PDZRN4: variants seen among roughly 807,000 people sequenced by gnomAD.
PDZRN4 encodes PDZ domain containing ring finger 4.
PDZRN4 carries 70 observed loss-of-function variants against 99.0 expected under a neutral mutation model. The observed-to-expected ratio is 0.71, with a 90% CI of 0.58 to 0.86. The LOEUF is 0.86. PDZRN4 is among the 40% of genes least tolerant of loss of function. The pLI, the probability that PDZRN4 is intolerant of heterozygous loss-of-function variation, is 0.00. For synonymous variants in PDZRN4, 551 were observed against 501.6 expected (o/e 1.10, Z -1.32); for missense variants, 1,474 against 1,331.2 (o/e 1.11, Z -1.67).
At chr12:41,308,396 T>A (rs563796969) in intron 3 of PDZRN4, among the ~76,000 whole-genome samples, 1 of 152,188 alleles carries the variant, frequency 6.6e-6, no homozygotes, top group Admixed American at 6.6e-5. Flanking sequence ...GATTTGAAGA[T>A]GTATAATTCT....
chr12:41,230,088 C>T (rs1037881074), intron 3 of PDZRN4, among the ~76,000 whole-genome samples: 2 of 151,734 alleles, frequency 1.3e-5, no homozygotes, highest in African/African-American at 4.8e-5. Flanking sequence ...AATCACAAAC[C>T]GGATAACATT....
intron 3 of PDZRN4, among the ~76,000 whole-genome samples, chr12:41,490,409 C>T (rs1330948497): frequency 2.0e-5 from 3 of 152,042 alleles, no homozygotes; most frequent in African/African-American, 7.2e-5. Context: ...TGCAAGCATG[C>T]TTTCTCAGCG....
chr12:41,235,276 T>C (rs1053316728), intron 3 of PDZRN4, among the ~76,000 whole-genome samples: 1 of 152,096 alleles, frequency 6.6e-6, no homozygotes, highest in Non-Finnish European at 1.5e-5. Flanking sequence ...GATGTATTAT[T>C]GTGCCATTGT....
At chr12:41,313,156 T>G (rs112246279) in intron 3 of PDZRN4, among the ~76,000 whole-genome samples, 3,546 of 152,262 alleles carry the variant, frequency 0.023, 118 homozygotes, top group African/African-American at 0.074. Context: ...AAATGTCTCT[T>G]AAATCACCCA....
At chr12:41,412,347 C>T (rs185503618) in intron 3 of PDZRN4, 32 of 152,214 alleles carry the variant, frequency 2.1e-4, no homozygotes, top group Non-Finnish European at 4.6e-4. Context: ...AGGGCATGAG[C>T]GAGAAGTGAT....
intron 3 of PDZRN4, among the ~76,000 whole-genome samples, chr12:41,207,829 T>C (rs1950861929): frequency 6.6e-6 from 1 of 151,784 alleles, no homozygotes; most frequent in African/African-American, 2.4e-5. Flanking sequence ...GGCTGGTTAA[T>C]ATGAAGGAAT....
chr12:41,232,642 A>G (rs564865745), intron 3 of PDZRN4, among the ~76,000 whole-genome samples: 14,170 of 40,414 alleles, frequency 0.35, 884 homozygotes, highest in Middle Eastern at 0.46. Context: ...CTCTGATGGT[A>G]GATTTTTGCT....
chr12:41,242,893 C>G (rs1951109879), intron 3 of PDZRN4, among the ~76,000 whole-genome samples: 1 of 152,222 alleles, frequency 6.6e-6, no homozygotes, highest in African/African-American at 2.4e-5. Flanking sequence ...AGCATAGCCA[C>G]TGCCCAGTGG....
At chr12:41,548,327 CATTTG>C (rs1938993024) in intron 5 of PDZRN4, among the ~76,000 whole-genome samples, 1 of 152,074 alleles carries the variant, frequency 6.6e-6, no homozygotes, top group African/African-American at 2.4e-5. Context: ...TAATATTTCT[CATTTG>C]ATTTATTTTT....
intron 3 of PDZRN4, among the ~76,000 whole-genome samples, chr12:41,463,697 C>T (rs1388023417): frequency 6.6e-6 from 1 of 152,044 alleles, no homozygotes; most frequent in Admixed American, 6.6e-5. Context: ...AGAAAGGTGC[C>T]CTGTGATACA....
intron 3 of PDZRN4, among the ~76,000 whole-genome samples, chr12:41,253,044 CA>C (rs1951181294): frequency 6.6e-6 from 1 of 152,062 alleles, no homozygotes; most frequent in East Asian, 1.9e-4. Context: ...TGGGAAAGAG[CA>C]ACACTTGGAA....
chr12:41,527,300 T>A (rs1938584813), intron 5 of PDZRN4, among the ~76,000 whole-genome samples: 1 of 152,188 alleles, frequency 6.6e-6, no homozygotes, highest in Non-Finnish European at 1.5e-5. Flanking sequence ...AAGACATGAC[T>A]GGACCATGGG....
intron 3 of PDZRN4, among the ~76,000 whole-genome samples, chr12:41,226,520 T>A (rs1950996108): frequency 6.6e-6 from 1 of 152,058 alleles, no homozygotes; most frequent in African/African-American, 2.4e-5. Context: ...GAACAAAGCT[T>A]TGATTAGATT....
chr12:41,571,410 CA>C (rs1319748999), intron 9 of PDZRN4, among the ~76,000 whole-genome samples: 73 of 136,370 alleles, frequency 5.4e-4, no homozygotes, highest in Non-Finnish European at 1.0e-3. Flanking sequence ...ACACACACTA[CA>C]TAAACATACA....
At chr12:41,545,354 T>A (rs1565611228) in intron 5 of PDZRN4, among the ~76,000 whole-genome samples, 1 of 152,190 alleles carries the variant, frequency 6.6e-6, no homozygotes, top group African/African-American at 2.4e-5. Context: ...ATGGTCAATG[T>A]TTCTCTGTTT....
At chr12:41,190,478 T>C (rs1198997048) in intron 1 of PDZRN4, among the ~76,000 whole-genome samples, 1 of 152,160 alleles carries the variant, frequency 6.6e-6, no homozygotes, top group Non-Finnish European at 1.5e-5. Context: ...GCTAGAATAA[T>C]ATTACAGAAA....
chr12:41,202,212 T>G (rs1950821374), intron 3 of PDZRN4, among the ~76,000 whole-genome samples: 1 of 152,110 alleles, frequency 6.6e-6, no homozygotes, highest in South Asian at 2.1e-4. Context: ...TGAAGTCCTC[T>G]TGGGGAGAGC....
chr12:41,478,952 A>G (rs1227628233), intron 3 of PDZRN4, among the ~76,000 whole-genome samples: 3 of 152,236 alleles, frequency 2.0e-5, no homozygotes, highest in Non-Finnish European at 2.9e-5. Context: ...AGGGAAAATA[A>G]TAGTGTTTTT....
chr12:41,518,781 G>A (rs1351365195), intron 5 of PDZRN4, among the ~76,000 whole-genome samples: 4 of 151,752 alleles, frequency 2.6e-5, no homozygotes, highest in Admixed American at 6.6e-5. Context: ...GTGAGACCCC[G>A]TATCTACAAA....
Sources: gnomAD v4.1 joint callset for allele counts (sites outside exome capture counted in the v4.1 genomes callset) on GRCh38, gnomAD v4.1.1 for gene constraint, MANE v1.5 for transcripts, NCBI Gene and HGNC (gene_info 2026-07-23, HGNC 2026-07-21) for gene names.